The following NLGN1 variants were observed in gnomAD, a reference collection of about 807,000 sequenced individuals.
The protein encoded by NLGN1 is neuroligin-1.
In NLGN1, 12 loss-of-function variants were observed where a neutral mutation model predicts 65.5. That is an observed-to-expected ratio of 0.18 (90% CI 0.12 to 0.30). The LOEUF (loss-of-function observed/expected upper bound fraction) is 0.30, where lower values mean the gene tolerates loss of function less well. NLGN1 is among the 10% of genes least tolerant of loss of function. The pLI, the probability that NLGN1 is intolerant of heterozygous loss-of-function variation, is 1.00. For synonymous variants in NLGN1, 350 were observed against 359.5 expected, an observed-to-expected ratio of 0.97 and a Z score of 0.30; for missense variants, 750 against 1,007.1, an observed-to-expected ratio of 0.74 and a Z score of 3.46.
chr3:174,004,695 T>C (rs1724005846), intron 4 of NLGN1, among the ~76,000 whole-genome samples: 1 of 152,158 alleles, frequency 6.6e-6, no homozygotes, highest in African/African-American at 2.4e-5. Flanking sequence ...GGAAAAACAA[T>C]ATTTCTTCTT....
At chr3:173,817,553 C>A (rs561673130) in intron 4 of NLGN1, among the ~76,000 whole-genome samples, 8 of 152,248 alleles carry the variant, frequency 5.3e-5, no homozygotes, top group Admixed American at 2.6e-4. Context: ...CAAAGAGCAA[C>A]ACAGATTTTG....
At chr3:173,538,816 A>G (rs1462032610) in intron 2 of NLGN1, among the ~76,000 whole-genome samples, 1 of 151,842 alleles carries the variant, frequency 6.6e-6, no homozygotes, top group Non-Finnish European at 1.5e-5. Flanking sequence ...TTATTAAAAT[A>G]TTCCTCTGCT....
intron 4 of NLGN1, among the ~76,000 whole-genome samples, chr3:174,027,940 G>A (rs1350662101): frequency 6.6e-6 from 1 of 152,110 alleles, no homozygotes; most frequent in African/African-American, 2.4e-5. Flanking sequence ...ATGAGGGGTG[G>A]TTTCCCCCAT....
chr3:174,125,914 T>G (rs1718851029), intron 4 of NLGN1, among the ~76,000 whole-genome samples: 1 of 152,120 alleles, frequency 6.6e-6, no homozygotes, highest in Non-Finnish European at 1.5e-5. Flanking sequence ...AAAATAGCTG[T>G]TAACTTTAAC....
At chr3:173,645,310 C>T (rs916887661) in intron 3 of NLGN1, among the ~76,000 whole-genome samples, 2 of 152,216 alleles carry the variant, frequency 1.3e-5, no homozygotes, top group African/African-American at 4.8e-5. Context: ...TGCATAGCTC[C>T]CTTGGCCTTT....
chr3:173,694,144 T>C (rs1458399015), intron 3 of NLGN1, among the ~76,000 whole-genome samples: 6 of 152,112 alleles, frequency 3.9e-5, no homozygotes, highest in Non-Finnish European at 4.4e-5. Flanking sequence ...TTATATTGCT[T>C]GTTGCTGGTC....
chr3:173,813,661 A>C (rs754107138), intron 4 of NLGN1, among the ~76,000 whole-genome samples: 30 of 152,262 alleles, frequency 2.0e-4, no homozygotes, highest in Non-Finnish European at 3.5e-4. Context: ...ATAGTAATAC[A>C]GAGAAAAGGA....
chr3:173,618,734 G>A (rs1003156357), intron 3 of NLGN1, among the ~76,000 whole-genome samples: 17 of 152,124 alleles, frequency 1.1e-4, no homozygotes, highest in Non-Finnish European at 1.6e-4. Context: ...GGCTTTTCTA[G>A]TGGATGGTGG....
At chr3:173,749,978 G>A (rs1036061197) in intron 3 of NLGN1, among the ~76,000 whole-genome samples, 3 of 152,072 alleles carry the variant, frequency 2.0e-5, no homozygotes, top group Non-Finnish European at 4.4e-5. Context: ...CCCAAACTAA[G>A]TAAAAGTGTG....
chr3:174,231,949 A>T (rs1740782612), intron 4 of NLGN1, among the ~76,000 whole-genome samples: 1 of 152,190 alleles, frequency 6.6e-6, no homozygotes, highest in Admixed American at 6.5e-5. Context: ...CCATTTAAAT[A>T]GTCATCTGTT....
chr3:173,927,771 A>G (rs987871083), intron 4 of NLGN1, among the ~76,000 whole-genome samples: 6 of 151,892 alleles, frequency 4.0e-5, no homozygotes, highest in Non-Finnish European at 8.8e-5. Flanking sequence ...ACACATACAT[A>G]CATACATGTA....
At chr3:174,029,210 C>T (rs1321251692) in intron 4 of NLGN1, among the ~76,000 whole-genome samples, 1 of 152,180 alleles carries the variant, frequency 6.6e-6, no homozygotes, top group African/African-American at 2.4e-5. Context: ...AGACACTCAA[C>T]ATCAGCCTGT....
At position 173,641,962 on chromosome 3, in the gene NLGN1, A is replaced by G. The variant is rs947778575; in HGVS notation, c.493+36871A>G. 5.3e-5 allele frequency among the ~76,000 whole-genome samples: 8 copies of G among 151,958 alleles called. No homozygotes were observed. In the East Asian group the frequency reaches 1.5e-3, roughly 29 times the overall value. ...TAAAATATATACTATCTTACCCTTT[A>G]CAAGAAAAAAAAAGTTTGCCAGTAT... On this transcript the variant is annotated intron_variant, in intron 3 of 6. Coordinates refer to ENST00000457714, the Ensembl canonical transcript of NLGN1.
intron 3 of NLGN1, among the ~76,000 whole-genome samples, chr3:173,645,374 G>A (rs1202697535): frequency 6.6e-6 from 1 of 152,192 alleles, no homozygotes; most frequent in African/African-American, 2.4e-5. Flanking sequence ...GGAGGTTTCA[G>A]TCCCCATGAC....
At chr3:173,524,011 C>T (rs1340905795) in intron 2 of NLGN1, among the ~76,000 whole-genome samples, 1 of 149,210 alleles carries the variant, frequency 6.7e-6, no homozygotes, top group Non-Finnish European at 1.5e-5. Flanking sequence ...AGCTCTGCCT[C>T]CCAAGTTCAT....
At chr3:173,587,264 A>C (rs1214945371) in intron 2 of NLGN1, among the ~76,000 whole-genome samples, 1 of 152,190 alleles carries the variant, frequency 6.6e-6, no homozygotes, top group East Asian at 1.9e-4. Context: ...GTTAAAATGA[A>C]AAGGGAGAAA....
intron 3 of NLGN1, among the ~76,000 whole-genome samples, chr3:173,731,997 T>G (rs550681809): frequency 6.6e-6 from 1 of 152,246 alleles, no homozygotes; most frequent in African/African-American, 2.4e-5. Flanking sequence ...AAGTACAAAC[T>G]AAATTGTTGT....
chr3:173,611,092 A>T (rs1177960691), intron 3 of NLGN1, among the ~76,000 whole-genome samples: 1 of 152,032 alleles, frequency 6.6e-6, no homozygotes, highest in East Asian at 1.9e-4. Flanking sequence ...TGCACAGTAC[A>T]TGAGTGTGAG....
At chr3:174,122,457 T>A (rs1245803992) in intron 4 of NLGN1, among the ~76,000 whole-genome samples, 1 of 152,200 alleles carries the variant, frequency 6.6e-6, no homozygotes, top group East Asian at 1.9e-4. Flanking sequence ...GGTTATGTCC[T>A]CTGCTAGCTG....
Sources: allele counts gnomAD v4.1 joint callset (sites outside exome capture counted in the v4.1 genomes callset), GRCh38; gene constraint gnomAD v4.1.1; transcripts MANE v1.5; gene names NCBI Gene and HGNC (gene_info 2026-07-23, HGNC 2026-07-21).